Variants in PCDH15 observed in about 807,000 individuals in gnomAD.
The protein encoded by PCDH15 is protocadherin-15.
PCDH15 carries 129 observed loss-of-function variants against 178.5 expected under a neutral mutation model. That is an observed-to-expected ratio of 0.72 (90% confidence interval 0.63 to 0.84). The LOEUF is 0.84. Ranked by LOEUF, PCDH15 falls within the 40% of genes least tolerant of loss-of-function variation. PCDH15 has a pLI of 0.00. For missense variants in PCDH15, 2,230 were observed against 2,099.9 expected (o/e 1.06, Z -1.21); for synonymous variants, 800 against 732.0 (o/e 1.09, Z -1.50).
chr10:55,368,521 T>C (rs1418300636), intron 2 of PCDH15, among the ~76,000 whole-genome samples: 1 of 152,262 alleles, frequency 6.6e-6, no homozygotes, highest in East Asian at 1.9e-4. Context: ...GCTCTATCTG[T>C]AGAACAACTA....
At chr10:55,602,429 G>T (rs986624882) in intron 2 of PCDH15, among the ~76,000 whole-genome samples, 1 of 152,110 alleles carries the variant, frequency 6.6e-6, no homozygotes, top group African/African-American at 2.4e-5. Context: ...TCCACCTCTG[G>T]GGGCAGGGCA....
rs115955829 is a variant in PCDH15, at chr10:53,928,179, C to G, written c.3373+10636G>C. Among the ~76,000 whole-genome samples, 335 of 152,094 alleles carry G rather than the reference C, an allele frequency of 2.2e-3. 2 individuals are homozygous for G. The highest frequency in any genetic ancestry group is 7.4e-3 in the African/African-American group (306 of 41,546). On this transcript the variant is annotated intron_variant, in intron 25 of 37. Transcript: ENST00000644397. Reference sequence around the variant, plus strand: ...ATGTTCACTCCTATGTACATCTTTTCTATATGGCACTTTTCCCCATATTTC... The same window carrying G: ...ATGTTCACTCCTATGTACATCTTTTGTATATGGCACTTTTCCCCATATTTC...
rs76122903 is a variant in PCDH15 at position 54,915,740 on chromosome 10, A to G, written c.-79-18240T>C. Among the ~76,000 whole-genome samples the G allele has an allele frequency of 2.9e-3, 436 of 152,324 alleles. 10 individuals carry two copies. The East Asian group carries it at 0.053, about 18-fold the overall frequency. ...TCCTCCTTAAGCTGAAGTTTTCTGT[A>G]TTAAGAATATTTCATTCCCATTCTG... On this transcript the variant is annotated intron_variant, in intron 2 of 5. Coordinates refer to the PCDH15 transcript ENST00000458638.
At chr10:55,560,512 G>A (rs926176627) in intron 2 of PCDH15, among the ~76,000 whole-genome samples, 8 of 151,884 alleles carry the variant, frequency 5.3e-5, no homozygotes, top group African/African-American at 1.2e-4. Flanking sequence ...ATTCTGACCC[G>A]TAATTCTATA....
At chr10:54,193,026 A>C (rs185739994) in intron 11 of PCDH15, among the ~76,000 whole-genome samples, 15 of 152,330 alleles carry the variant, frequency 9.8e-5, no homozygotes, top group African/African-American at 3.6e-4. Flanking sequence ...AGTCAAGCCA[A>C]GATCTGTCTA....
intron 26 of PCDH15, among the ~76,000 whole-genome samples, chr10:53,901,676 C>T (rs1195046246): frequency 2.6e-5 from 4 of 152,164 alleles, no homozygotes; most frequent in African/African-American, 9.6e-5. Flanking sequence ...CATTTCTGAT[C>T]TCATTTCCTA....
intron 2 of PCDH15, among the ~76,000 whole-genome samples, chr10:54,591,501 C>A (rs2091887922): frequency 6.6e-6 from 1 of 152,108 alleles, no homozygotes; most frequent in Non-Finnish European, 1.5e-5. Flanking sequence ...CATTACCTTG[C>A]CAATTTAACC....
chr10:53,872,433 AT>A (rs1312350306), intron 26 of PCDH15, among the ~76,000 whole-genome samples: 1 of 152,152 alleles, frequency 6.6e-6, no homozygotes, highest in Non-Finnish European at 1.5e-5. Flanking sequence ...ATATCAGTGA[AT>A]TTTCAGTTCT....
intron 5 of PCDH15, among the ~76,000 whole-genome samples, chr10:54,355,467 T>C (rs936615518): frequency 5.9e-5 from 9 of 152,146 alleles, no homozygotes; most frequent in Admixed American, 2.6e-4. Flanking sequence ...TGTTTAAAAG[T>C]ATTCATTCTT....
chr10:54,970,943 C>T (rs1046303897), intron 2 of PCDH15, among the ~76,000 whole-genome samples: 2 of 152,118 alleles, frequency 1.3e-5, no homozygotes, highest in African/African-American at 4.8e-5. Context: ...TTTGGAAATA[C>T]CTAACTTGTT....
chr10:55,518,821 C>T lies in PCDH15; in HGVS notation c.-156+108804G>A, dbSNP rs764143897. Among the ~76,000 whole-genome samples, 77 of 151,998 alleles carry T rather than the reference C, an allele frequency of 5.1e-4. 1 individual carries two copies. The highest frequency in any genetic ancestry group is 2.5e-4 in the Non-Finnish European group (17 of 67,986). On this transcript the variant is annotated intron_variant, in intron 2 of 5. Transcript: ENST00000613346. ...TAAAAACTCTTAATCTGGGCCGGGG[C>T]GTGGTGGCTCATGCCTATAATTTAG...
intron 2 of PCDH15, among the ~76,000 whole-genome samples, chr10:55,520,124 T>C (rs1841126810): frequency 7.5e-6 from 1 of 133,624 alleles, no homozygotes. Flanking sequence ...TGTATATATA[T>C]ATACACGCAA....
At chr10:54,054,750 A>T (rs965952958) in intron 18 of PCDH15, among the ~76,000 whole-genome samples, 1 of 152,160 alleles carries the variant, frequency 6.6e-6, no homozygotes, top group Non-Finnish European at 1.5e-5. Flanking sequence ...GACATTAGGT[A>T]GATTTCTATT....
chr10:55,241,019 A>T (rs1841527919), intron 1 of PCDH15, among the ~76,000 whole-genome samples: 1 of 152,188 alleles, frequency 6.6e-6, no homozygotes, highest in Admixed American at 6.5e-5. Flanking sequence ...GATCGAGACC[A>T]TCCTGGCTAA....
intron 3 of PCDH15, among the ~76,000 whole-genome samples, chr10:54,397,578 T>C (rs1951406654): frequency 6.6e-6 from 1 of 152,042 alleles, no homozygotes; most frequent in African/African-American, 2.4e-5. Context: ...ATGGGATTCA[T>C]ATTGGAACTT....
intron 21 of PCDH15, among the ~76,000 whole-genome samples, chr10:53,983,749 G>C (rs375653852): frequency 6.6e-6 from 1 of 152,102 alleles, no homozygotes; most frequent in South Asian, 2.1e-4. Flanking sequence ...TTGGCACACC[G>C]TCAGACTTTC....
chr10:54,779,460 G>GTGTATATATA (rs1466556442), intron 1 of PCDH15, among the ~76,000 whole-genome samples: 3 of 29,366 alleles, frequency 1.0e-4, no homozygotes, highest in Non-Finnish European at 1.6e-4. Context: ...ACTCATATAT[G>GTGTATATATA]TGTGTATATA....
chr10:55,264,168 A>G lies in PCDH15; in HGVS notation c.-156+55431T>C, dbSNP rs74139506. ...CTTATTTGAGACACTCTAAATGGATAAAAACAGCCCCTAAAATACCTTTTC... is the reference window on the plus strand; with the variant it reads ...CTTATTTGAGACACTCTAAATGGATGAAAACAGCCCCTAAAATACCTTTTC... On this transcript the variant is annotated intron_variant, in intron 1 of 5. Transcript: ENST00000458638. Among the ~76,000 whole-genome samples, 579 of 152,284 alleles carry G rather than the reference A, an allele frequency of 3.8e-3. 3 individuals are homozygous for G. Among genetic ancestry groups the G allele is most frequent in the African/African-American group, 0.014 (562 of 41,554 alleles).
chr10:54,877,625 T>C (rs1382321751), intron 3 of PCDH15, among the ~76,000 whole-genome samples: 1 of 152,142 alleles, frequency 6.6e-6, no homozygotes, highest in Non-Finnish European at 1.5e-5. Flanking sequence ...TATGAGCATA[T>C]ATGCACATAC....
Sources: gnomAD v4.1 joint callset for allele counts (sites outside exome capture counted in the v4.1 genomes callset) on GRCh38, gnomAD v4.1.1 for gene constraint, MANE v1.5 for transcripts, NCBI Gene and HGNC (gene_info 2026-07-23, HGNC 2026-07-21) for gene names.